NTM: variants seen among roughly 807,000 people sequenced by gnomAD.
NTM encodes neurotrimin.
A neutral mutation model predicts 42.1 loss-of-function variants in NTM; 13 were observed. The ratio of observed to expected loss-of-function variants is 0.31; its 90% confidence interval spans 0.20 to 0.49. NTM has a LOEUF of 0.49. Among genes scored for constraint, NTM ranks in the 20% least tolerant of loss-of-function variants. The pLI is 0.99. For missense variants in NTM, 373 were observed against 452.8 expected, an observed-to-expected ratio of 0.82 and a Z score of 1.60; for synonymous variants, 187 against 179.2, an observed-to-expected ratio of 1.04 and a Z score of -0.35.
At chr11:132,255,903 C>A (rs975767135) in intron 4 of NTM, among the ~76,000 whole-genome samples, 1 of 152,122 alleles carries the variant, frequency 6.6e-6, no homozygotes, top group East Asian at 1.9e-4. Context: ...CACATCTTCA[C>A]CTCGCTCCTC....
At chr11:132,273,737 T>G (rs969124930) in intron 4 of NTM, among the ~76,000 whole-genome samples, 2 of 152,046 alleles carry the variant, frequency 1.3e-5, no homozygotes, top group African/African-American at 4.8e-5. Context: ...TGAAACCCCG[T>G]CTCTACTAAA....
intron 1 of NTM, among the ~76,000 whole-genome samples, chr11:131,625,263 TGTG>T (rs142627572): frequency 0.015 from 2,346 of 152,260 alleles, 31 homozygotes; most frequent in Middle Eastern, 0.024. Flanking sequence ...GAAATGCAGA[TGTG>T]GGGGGCCACC....
intron 1 of NTM, among the ~76,000 whole-genome samples, chr11:131,494,137 G>C (rs1323794848): frequency 3.3e-5 from 5 of 152,048 alleles, no homozygotes; most frequent in African/African-American, 7.2e-5. Flanking sequence ...ACTCTTACAG[G>C]TCAGACACAT....
At chr11:131,624,244 G>A (rs896900839) in intron 1 of NTM, among the ~76,000 whole-genome samples, 4 of 152,180 alleles carry the variant, frequency 2.6e-5, no homozygotes, top group African/African-American at 7.2e-5. Flanking sequence ...TCAAGGACCA[G>A]CGTTTCCAGC....
intron 4 of NTM, among the ~76,000 whole-genome samples, chr11:132,274,166 C>T (rs980530726): frequency 6.6e-6 from 1 of 151,876 alleles, no homozygotes; most frequent in Admixed American, 6.6e-5. Flanking sequence ...TGTCAAATAA[C>T]CAACAATTGA....
At chr11:132,212,449 A>G (rs549322177) in intron 4 of NTM, among the ~76,000 whole-genome samples, 3 of 152,186 alleles carry the variant, frequency 2.0e-5, no homozygotes, top group Non-Finnish European at 4.4e-5. Flanking sequence ...TTGATGATGG[A>G]ACAAAGCTTT....
intron 2 of NTM, among the ~76,000 whole-genome samples, chr11:132,145,172 GCT>G (rs1365934716): frequency 6.6e-6 from 1 of 152,170 alleles, no homozygotes; most frequent in African/African-American, 2.4e-5. Flanking sequence ...TATACTTCTA[GCT>G]CTCATTCCTT....
At chr11:131,966,905 G>C (rs1257493034) in intron 2 of NTM, among the ~76,000 whole-genome samples, 1 of 152,172 alleles carries the variant, frequency 6.6e-6, no homozygotes, top group East Asian at 1.9e-4. Flanking sequence ...TGAGGAAGGT[G>C]CCCAGGGTCA....
intron 2 of NTM, among the ~76,000 whole-genome samples, chr11:132,007,676 C>A (rs1192532561): frequency 1.3e-5 from 2 of 152,196 alleles, no homozygotes; most frequent in Non-Finnish European, 1.5e-5. Flanking sequence ...AAGGAATAAT[C>A]ATCCACCTGA....
chr11:131,716,357 T>C (rs986328693), intron 1 of NTM, among the ~76,000 whole-genome samples: 2 of 152,146 alleles, frequency 1.3e-5, no homozygotes, highest in African/African-American at 4.8e-5. Flanking sequence ...TAGCCTAAGG[T>C]CATATGGTTT....
intron 3 of NTM, among the ~76,000 whole-genome samples, chr11:132,182,996 C>G (rs1353408837): frequency 1.3e-5 from 2 of 152,174 alleles, no homozygotes; most frequent in African/African-American, 4.8e-5. Context: ...CCTTTCTTTG[C>G]ATTTTCCTCC....
At chr11:131,932,769 C>G (rs1308091176) in intron 2 of NTM, among the ~76,000 whole-genome samples, 2 of 152,204 alleles carry the variant, frequency 1.3e-5, no homozygotes, top group African/African-American at 4.8e-5. Context: ...TGCTGCTGAG[C>G]TGGGCCTGAG....
At chr11:131,940,217 T>C (rs78048480) in intron 2 of NTM, among the ~76,000 whole-genome samples, 268 of 152,286 alleles carry the variant, frequency 1.8e-3, no homozygotes, top group African/African-American at 6.1e-3. Flanking sequence ...CCCAGGATTG[T>C]GGTTTCTTAT....
chr11:132,068,486 C>G (rs1434896730), intron 2 of NTM, among the ~76,000 whole-genome samples: 1 of 152,140 alleles, frequency 6.6e-6, no homozygotes, highest in Non-Finnish European at 1.5e-5. Context: ...TTTCTGAGAC[C>G]TCACCAGAAG....
At chr11:131,530,620 G>T (rs56720769) in intron 1 of NTM, among the ~76,000 whole-genome samples, 1 of 152,050 alleles carries the variant, frequency 6.6e-6, no homozygotes, top group African/African-American at 2.4e-5. Context: ...ATGCCAAGGC[G>T]CCAGAGGTCC....
chr11:131,654,568 T>C (rs947513806), intron 1 of NTM, among the ~76,000 whole-genome samples: 1 of 152,144 alleles, frequency 6.6e-6, no homozygotes, highest in African/African-American at 2.4e-5. Flanking sequence ...CATGCTGAAA[T>C]GTGACCCCCA....
chr11:131,950,437 C>T (rs2039166582), intron 2 of NTM, among the ~76,000 whole-genome samples: 1 of 152,192 alleles, frequency 6.6e-6, no homozygotes, highest in Non-Finnish European at 1.5e-5. Context: ...AGTTCACCTG[C>T]CTCACCTATA....
intron 4 of NTM, among the ~76,000 whole-genome samples, chr11:132,304,251 C>T (rs1393553015): frequency 6.6e-6 from 1 of 152,102 alleles, no homozygotes; most frequent in Non-Finnish European, 1.5e-5. Context: ...GTTATTTCCA[C>T]CTGAGGATGC....
intron 7 of NTM, 184 bp downstream of exon 7, chr11:132,314,887 A>G: frequency 2.9e-6 from 4 of 1,358,146 alleles, no homozygotes; most frequent in Non-Finnish European, 3.8e-6. Context: ...GACAGGGAGG[A>G]GGCAGACAGA....
Sources: gnomAD v4.1 joint callset for allele counts (sites outside exome capture counted in the v4.1 genomes callset) on GRCh38, gnomAD v4.1.1 for gene constraint, MANE v1.5 for transcripts, NCBI Gene and HGNC (gene_info 2026-07-23, HGNC 2026-07-21) for gene names.